The following SGCZ variants were observed in gnomAD, a reference collection of about 807,000 sequenced individuals.
SGCZ encodes the protein sarcoglycan zeta, also known as zeta-sarcoglycan.
SGCZ carries 40 observed loss-of-function variants against 41.3 expected under a neutral mutation model. The ratio of observed to expected loss-of-function variants is 0.97; its 90% CI spans 0.75 to 1.26. SGCZ has a LOEUF of 1.26. Among genes scored for constraint, SGCZ ranks in the 50% most tolerant of loss-of-function variants. The pLI is 0.00. For missense variants in SGCZ, 552 were observed against 369.8 expected, an observed-to-expected ratio of 1.49 and a Z score of -4.04; for synonymous variants, 206 against 137.5, an observed-to-expected ratio of 1.50 and a Z score of -3.49.
chr8:14,555,353 A>C (rs1312216955), intron 1 of SGCZ, among the ~76,000 whole-genome samples: 2 of 152,006 alleles, frequency 1.3e-5, no homozygotes, highest in African/African-American at 2.4e-5. Flanking sequence ...AGGTGATGAG[A>C]TCATGGCAGT....
chr8:15,072,798 C>T (rs528804462), intron 1 of SGCZ, among the ~76,000 whole-genome samples: 1 of 152,130 alleles, frequency 6.6e-6, no homozygotes, highest in Non-Finnish European at 1.5e-5. Context: ...TGATTCAAAT[C>T]TCAGAGCATG....
rs771855428 is a variant in SGCZ, at chr8:14,475,060, T to C, written c.234+79672A>G. On this transcript the variant is annotated intron_variant, in intron 2 of 7. Coordinates refer to ENST00000382080, the MANE Select transcript of SGCZ (RefSeq NM_139167.4). Reference sequence around the variant, plus strand: ...CTTATCCAATGAGTTATTTTGTTGTTGTTTTTTAAGGAAGTGGAATATTTC... The same window carrying C: ...CTTATCCAATGAGTTATTTTGTTGTCGTTTTTTAAGGAAGTGGAATATTTC... Among the ~76,000 whole-genome samples the C allele has an allele frequency of 5.7e-4, 87 of 152,206 alleles. 1 individual carries two copies. Among genetic ancestry groups the C allele is most frequent in the Non-Finnish European group, 1.6e-4 (11 of 68,014 alleles).
At chr8:14,766,245 G>A (rs545919021) in intron 1 of SGCZ, among the ~76,000 whole-genome samples, 1 of 151,970 alleles carries the variant, frequency 6.6e-6, no homozygotes, top group East Asian at 1.9e-4. Flanking sequence ...CAGGCATGAG[G>A]CATGGCCCCC....
chr8:14,329,159 A>G (rs1802228027), intron 2 of SGCZ, among the ~76,000 whole-genome samples: 1 of 152,332 alleles, frequency 6.6e-6, no homozygotes, highest in South Asian at 2.1e-4. Flanking sequence ...CACAGACAGT[A>G]TAGTGTCATT....
At chr8:14,608,557 T>A (rs1805827149) in intron 1 of SGCZ, among the ~76,000 whole-genome samples, 1 of 152,042 alleles carries the variant, frequency 6.6e-6, no homozygotes, top group African/African-American at 2.4e-5. Flanking sequence ...GAGTAAGAAC[T>A]CACTCATTAC....
At chr8:14,853,877 A>G (rs1489880266) in intron 1 of SGCZ, among the ~76,000 whole-genome samples, 2 of 151,890 alleles carry the variant, frequency 1.3e-5, no homozygotes, top group Non-Finnish European at 2.9e-5. Flanking sequence ...TCACATGACT[A>G]CAGCTTATCC....
chr8:14,921,861 C>A (rs1799597275), intron 1 of SGCZ, among the ~76,000 whole-genome samples: 1 of 151,904 alleles, frequency 6.6e-6, no homozygotes, highest in African/African-American at 2.4e-5. Flanking sequence ...AACTGAAAGA[C>A]AAGATAAGAA....
At chr8:15,202,835 G>A (rs1432451125) in intron 1 of SGCZ, among the ~76,000 whole-genome samples, 2 of 152,074 alleles carry the variant, frequency 1.3e-5, no homozygotes, top group Admixed American at 1.3e-4. Flanking sequence ...ACCTGGCCGG[G>A]CCTGGTGGCT....
At chr8:14,972,391 G>T (rs931531387) in intron 1 of SGCZ, among the ~76,000 whole-genome samples, 2 of 151,914 alleles carry the variant, frequency 1.3e-5, no homozygotes, top group African/African-American at 4.8e-5. Context: ...TAACTTAGTT[G>T]TGCCTTCATT....
At chr8:14,764,707 T>C (rs1799989065) in intron 1 of SGCZ, among the ~76,000 whole-genome samples, 1 of 152,180 alleles carries the variant, frequency 6.6e-6, no homozygotes, top group South Asian at 2.1e-4. Context: ...TCTTGTACCT[T>C]GATTAGATCC....
At chr8:14,902,858 T>C (rs1054709050) in intron 1 of SGCZ, among the ~76,000 whole-genome samples, 8 of 152,136 alleles carry the variant, frequency 5.3e-5, no homozygotes, top group Admixed American at 4.6e-4. Flanking sequence ...AATTTTGCTA[T>C]AATAAATACT....
intron 2 of SGCZ, among the ~76,000 whole-genome samples, chr8:14,419,335 A>C (rs1799578581): frequency 6.6e-6 from 1 of 151,906 alleles, no homozygotes; most frequent in Non-Finnish European, 1.5e-5. Context: ...GCTTTGACTC[A>C]TAAGAACTTA....
At chr8:14,192,462 T>G (rs1220371647) in intron 4 of SGCZ, among the ~76,000 whole-genome samples, 1 of 151,910 alleles carries the variant, frequency 6.6e-6, no homozygotes, top group African/African-American at 2.4e-5. Context: ...CAATATCCCA[T>G]TAAGATACTG....
chr8:14,228,909 G>A (rs1427707630), intron 4 of SGCZ, among the ~76,000 whole-genome samples: 1 of 152,082 alleles, frequency 6.6e-6, no homozygotes, highest in Non-Finnish European at 1.5e-5. Context: ...AGCTACCCTT[G>A]GTCTTGAGAA....
chr8:14,495,400 T>C (rs570157176), intron 2 of SGCZ, among the ~76,000 whole-genome samples: 2 of 152,198 alleles, frequency 1.3e-5, no homozygotes, highest in African/African-American at 4.8e-5. Context: ...CAGACTGTAA[T>C]AGCAGTTTAC....
intron 2 of SGCZ, among the ~76,000 whole-genome samples, chr8:14,366,772 C>T (rs189711046): frequency 6.6e-6 from 1 of 152,250 alleles, no homozygotes; most frequent in Admixed American, 6.5e-5. Context: ...CAAGTCCCTT[C>T]TACTTATCAG....
At chr8:14,213,072 C>T (rs2169700) in intron 4 of SGCZ, among the ~76,000 whole-genome samples, 151,378 of 152,166 alleles carry the variant, frequency 0.99, 75,302 homozygotes, top group East Asian at 1. Context: ...TGTGGGACAA[C>T]AGCAAAAGAT....
chr8:14,627,952 T>C (rs920527766), intron 1 of SGCZ, among the ~76,000 whole-genome samples: 2 of 152,108 alleles, frequency 1.3e-5, no homozygotes, highest in African/African-American at 4.8e-5. Context: ...TTCAGCTACA[T>C]GTTTGGAGGA....
intron 1 of SGCZ, among the ~76,000 whole-genome samples, chr8:14,927,729 A>T (rs1444768150): frequency 2.0e-5 from 3 of 152,184 alleles, no homozygotes; most frequent in African/African-American, 7.2e-5. Context: ...GAGAAAAAGA[A>T]TACATTCATT....
Sources: gnomAD v4.1 joint callset for allele counts (sites outside exome capture counted in the v4.1 genomes callset) on GRCh38, gnomAD v4.1.1 for gene constraint, MANE v1.5 for transcripts, NCBI Gene and HGNC (gene_info 2026-07-23, HGNC 2026-07-21) for gene names.